Variants in SGPP2 observed in about 807,000 individuals in gnomAD.
SGPP2 encodes the protein sphingosine 1-phosphate phosphohydrolase 2.
In SGPP2, 30 loss-of-function variants were observed where a neutral mutation model predicts 33.9. That is an observed-to-expected ratio of 0.89 (90% CI 0.66 to 1.20). The LOEUF is 1.20. SGPP2 is among the 50% of genes most tolerant of loss of function. The pLI, the probability that SGPP2 is intolerant of heterozygous loss-of-function variation, is 0.00. For synonymous variants in SGPP2, 233 were observed against 225.0 expected, an observed-to-expected ratio of 1.04 and a Z score of -0.32; for missense variants, 458 against 532.1, an observed-to-expected ratio of 0.86 and a Z score of 1.37.
Position 222,477,420 on chromosome 2 carries a change from G to A in SGPP2, c.378+2694G>A, listed in dbSNP as rs1574851412. Reference sequence around the variant, plus strand: ...AGGTGTGTATATATGTGTGTTTATAGGTATGTATATATGTGTGAATGTATG... The same window carrying A: ...AGGTGTGTATATATGTGTGTTTATAAGTATGTATATATGTGTGAATGTATG... On this transcript the variant is annotated intron_variant, in intron 2 of 4. Coordinates refer to ENST00000321276, the MANE Select transcript of SGPP2 (RefSeq NM_152386.4). The surrounding 1 kb of genome is among the most constrained non-coding windows in gnomAD (Gnocchi z 6.0). Among the ~76,000 whole-genome samples, 1 of 150,230 alleles carries A rather than the reference G, an allele frequency of 6.7e-6. No homozygotes were observed. The highest frequency in any genetic ancestry group is 2.0e-4 in the East Asian group (1 of 5,114).
intron 2 of SGPP2, among the ~76,000 whole-genome samples, chr2:222,492,077 T>G (rs1698205669): frequency 6.6e-6 from 1 of 152,172 alleles, no homozygotes; most frequent in Admixed American, 6.5e-5. Flanking sequence ...GGGCAGCTCC[T>G]TCGTATGCTG....
At chr2:222,491,346 G>A (rs190995362) in intron 2 of SGPP2, among the ~76,000 whole-genome samples, 1 of 152,142 alleles carries the variant, frequency 6.6e-6, no homozygotes, top group African/African-American at 2.4e-5. Context: ...TCACACTGCT[G>A]TAAAGATACT....
chr2:222,489,742 G>T (rs1008829632), intron 2 of SGPP2, among the ~76,000 whole-genome samples: 1 of 152,112 alleles, frequency 6.6e-6, no homozygotes, highest in African/African-American at 2.4e-5. Context: ...GAGGCAGGTG[G>T]ATCACCTGAG....
intron 2 of SGPP2, among the ~76,000 whole-genome samples, chr2:222,500,890 C>T (rs368941080): frequency 2.0e-5 from 3 of 152,342 alleles, no homozygotes; most frequent in East Asian, 3.9e-4. Context: ...CTTCCCCCTA[C>T]GTGTGTGCAG....
At chr2:222,474,817 T>C (rs200290477) in intron 2 of SGPP2, 91 bp downstream of exon 2, 1 of 145,640 alleles carries the variant, frequency 6.9e-6, no homozygotes, top group Non-Finnish European at 9.2e-6. Flanking sequence ...GTTCTTTCTT[T>C]TTTTTTTTTT....
chr2:222,532,623 C>T (rs1192397555), intron 4 of SGPP2, among the ~76,000 whole-genome samples: 5 of 152,236 alleles, frequency 3.3e-5, no homozygotes, highest in African/African-American at 4.8e-5. Context: ...CCTTCCCACA[C>T]CTCCATCAGT....
chr2:222,513,796 A>G (rs1698564844), intron 2 of SGPP2, among the ~76,000 whole-genome samples: 1 of 151,806 alleles, frequency 6.6e-6, no homozygotes, highest in Admixed American at 6.5e-5. Context: ...GCTACCAGAA[A>G]CTGGAAGAGG....
chr2:222,438,736 A>G (rs1024099217), intron 1 of SGPP2, among the ~76,000 whole-genome samples: 1 of 152,248 alleles, frequency 6.6e-6, no homozygotes, highest in African/African-American at 2.4e-5. Context: ...CAAATGGGAA[A>G]GTTGAATGGG....
chr2:222,534,284 T>C (rs1698882028), intron 4 of SGPP2, among the ~76,000 whole-genome samples: 1 of 152,242 alleles, frequency 6.6e-6, no homozygotes. Context: ...ATATTAAAAC[T>C]AGCCAGAATT....
At position 222,535,377 on chromosome 2, in the gene SGPP2, C is replaced by CAAA. The variant is rs59455252; in HGVS notation, c.648+10357_648+10359dup. Among the ~76,000 whole-genome samples the CAAA allele has an allele frequency of 1.9e-3, 202 of 106,848 alleles. 1 individual carries two copies. The highest frequency in any genetic ancestry group is 0.014 in the Admixed American group (153 of 10,920). 70.1% of individuals were successfully genotyped at this position (106,848 alleles called of 152,430 possible). A position where few individuals can be genotyped will look rare whatever the true frequency, so the allele number is the denominator to read the frequency against. ...TGGGTGACAGAGCGAGACTCTGTCT[C>CAAA]AAAAAAAAAAAAAAAGCCACAGTGG... On this transcript the variant is annotated intron_variant, in intron 4 of 4. Transcript: ENST00000321276.
intron 1 of SGPP2, among the ~76,000 whole-genome samples, chr2:222,458,784 C>T (rs993179987): frequency 2.0e-5 from 3 of 152,166 alleles, no homozygotes; most frequent in Non-Finnish European, 2.9e-5. Context: ...CAAGCATTCC[C>T]GTTTTCCTCA....
intron 1 of SGPP2, among the ~76,000 whole-genome samples, chr2:222,470,281 AT>A (rs1340760811): frequency 6.6e-6 from 1 of 152,096 alleles, no homozygotes; most frequent in African/African-American, 2.4e-5. Context: ...TTAAAGTGAA[AT>A]TAAAAAATAA....
chr2:222,506,407 G>A lies in SGPP2; in HGVS notation c.379-15360G>A, dbSNP rs147142411. Among the ~76,000 whole-genome samples, 250 of 152,296 alleles carry A rather than the reference G, an allele frequency of 1.6e-3. 1 individual carries two copies. Among genetic ancestry groups the A allele is most frequent in the African/African-American group, 2.4e-3 (99 of 41,554 alleles). ...GCTATGAAATTACTTGATATGTACC[G>A]TAGGTTGAAGTCTGCCTCTGTGATT... On this transcript the variant is annotated intron_variant, in intron 2 of 4. Coordinates refer to ENST00000321276, the MANE Select transcript of SGPP2 (RefSeq NM_152386.4).
chr2:222,559,266 G>A lies in SGPP2; in HGVS notation c.*368G>A, dbSNP rs1478888643. ...TGGCCTGGCTTAGGAATAGCTATGA[G>A]CCCCACTGGGTTCTGGAGAGCCAGT... is the stretch of plus-strand genomic sequence containing the variant. On this transcript the variant is annotated 3_prime_UTR_variant, in exon 5 of 5. Transcript: ENST00000321276. 1 of 223,848 alleles carries A rather than the reference G, an allele frequency of 4.5e-6. No homozygotes were observed. The highest frequency in any genetic ancestry group is 8.9e-6 in the Non-Finnish European group (1 of 112,832). 13.9% of individuals were successfully genotyped at this position (223,848 alleles called of 1,614,324 possible).
intron 2 of SGPP2, among the ~76,000 whole-genome samples, chr2:222,496,305 A>C (rs1349127296): frequency 6.6e-6 from 1 of 152,232 alleles, no homozygotes; most frequent in Non-Finnish European, 1.5e-5. Flanking sequence ...CAAAGTAGTA[A>C]GCAGAGTCTT....
intron 2 of SGPP2, among the ~76,000 whole-genome samples, chr2:222,500,276 C>A (rs995280868): frequency 6.6e-6 from 1 of 151,964 alleles, no homozygotes. Flanking sequence ...GCTGGAAGCA[C>A]GGAGGGAAGC....
intron 4 of SGPP2, among the ~76,000 whole-genome samples, chr2:222,533,415 A>G (rs1212326964): frequency 1.3e-5 from 2 of 152,194 alleles, no homozygotes; most frequent in African/African-American, 4.8e-5. Flanking sequence ...CAGAGCAGAA[A>G]TGCAACCTGG....
At position 222,502,956 on chromosome 2, in the gene SGPP2, C is replaced by T. The variant is rs1698389785; in HGVS notation, c.379-18811C>T. Among the ~76,000 whole-genome samples, 3 of 152,282 alleles carry T rather than the reference C, an allele frequency of 2.0e-5. No homozygotes were observed. The South Asian group carries it at 6.2e-4, about 32-fold the overall frequency. ...AAATGTGAATAGGAAGAAATAAGAA[C>T]TTGAAGTATTCTAGGTCTTCGTTTT... On this transcript the variant is annotated intron_variant, in intron 2 of 4. Transcript: ENST00000321276.
At chr2:222,484,285 C>T (rs972872455) in intron 2 of SGPP2, among the ~76,000 whole-genome samples, 8 of 152,184 alleles carry the variant, frequency 5.3e-5, no homozygotes, top group Non-Finnish European at 8.8e-5. Context: ...TGCCCCTTCC[C>T]CACAGCTGCT....
Sources: gnomAD v4.1 joint callset for allele counts (sites outside exome capture counted in the v4.1 genomes callset) on GRCh38, gnomAD v4.1.1 for gene constraint, Gnocchi (gnomAD v3.1) non-coding constraint, MANE v1.5 for transcripts, NCBI Gene and HGNC (gene_info 2026-07-23, HGNC 2026-07-21) for gene names.